Variants in CLASP2 observed in about 807,000 individuals in gnomAD.
CLASP2 encodes the protein cytoplasmic linker associated protein 2.
A neutral mutation model predicts 194.4 loss-of-function variants in CLASP2; 47 were observed. The observed-to-expected ratio is 0.24, with a 90% CI of 0.19 to 0.31. The LOEUF (loss-of-function observed/expected upper bound fraction) is 0.31, where lower values mean the gene tolerates loss of function less well. CLASP2 is among the 10% of genes least tolerant of loss of function. The probability of loss-of-function intolerance (pLI) is 1.00; values close to 1 mark genes in which losing one functional copy is unlikely to be tolerated. For synonymous variants in CLASP2, 619 were observed against 633.5 expected (o/e 0.98, Z 0.34); for missense variants, 1,445 against 1,823.6 (o/e 0.79, Z 3.78).
chr3:33,626,070 T>C (rs2077995099), intron 10 of CLASP2, among the ~76,000 whole-genome samples: 1 of 152,108 alleles, frequency 6.6e-6, no homozygotes, highest in East Asian at 1.9e-4. Flanking sequence ...CATCTCAGAA[T>C]TGAAGAATAG....
intron 29 of CLASP2, among the ~76,000 whole-genome samples, chr3:33,553,456 A>T (rs2060381767): frequency 6.6e-6 from 1 of 152,248 alleles, no homozygotes. Flanking sequence ...CATACATCTG[A>T]TAAGTGGTTA....
chr3:33,645,301 A>G (rs1218043495), intron 7 of CLASP2: 1 of 765,262 alleles, frequency 1.3e-6, no homozygotes, highest in Admixed American at 1.7e-5. Context: ...TCCGTTTGCA[A>G]ATCAGTCGCC....
At chr3:33,619,495 T>C in intron 12 of CLASP2, 108 bp downstream of exon 12, 1 of 960,220 alleles carries the variant, frequency 1.0e-6, no homozygotes, top group Non-Finnish European at 1.4e-6. Flanking sequence ...CTCCATGACT[T>C]ACATTGAGAG....
chr3:33,568,553 CAAAAAA>C (rs568821764), intron 26 of CLASP2, among the ~76,000 whole-genome samples: 2 of 56,842 alleles, frequency 3.5e-5, no homozygotes, highest in African/African-American at 1.5e-4. Flanking sequence ...GATCTTGTCT[CAAAAAA>C]AAAAAAAAAA....
At chr3:33,627,250 T>C (rs1251359730) in intron 9 of CLASP2, 170 bp from the exon 10 acceptor site, 3 of 622,476 alleles carry the variant, frequency 4.8e-6, no homozygotes, top group Non-Finnish European at 8.7e-6. Flanking sequence ...CAAAATGCTT[T>C]ATTTTTCTTC....
At chr3:33,538,526 T>G (rs1271100847) in intron 33 of CLASP2, among the ~76,000 whole-genome samples, 4 of 152,198 alleles carry the variant, frequency 2.6e-5, no homozygotes, top group African/African-American at 7.2e-5. Context: ...AGATTCACTT[T>G]CCTCTAAAGC....
Position 33,559,360 on chromosome 3 carries a change from A to G in CLASP2, c.2956T>C (p.Phe986Leu). ...TRESFPNDLQ[F>L]NILMRFTVDQ... is the part of the protein sequence containing the mutation. ...ACTGTAAATCTCATTAGAATATTGA[A>G]CTGAAGATCATTTGGAAAAGACTCT... Residue 986 changes from phenylalanine to leucine, a missense_variant, in exon 29 of 39, where the codon TTC (phenylalanine) becomes CTC (leucine). Transcript: ENST00000682230. 1 of 1,595,964 alleles carries G rather than the reference A, an allele frequency of 6.3e-7. No individual in the cohort carries two copies. The highest frequency in any genetic ancestry group is 1.3e-5 in the African/African-American group (1 of 74,842).
At chr3:33,572,282 C>A (rs982586913) in intron 25 of CLASP2, among the ~76,000 whole-genome samples, 2 of 152,028 alleles carry the variant, frequency 1.3e-5, no homozygotes, top group Non-Finnish European at 2.9e-5. Context: ...GGGCTGGGAA[C>A]AATATTATGA....
At chr3:33,629,795 GAA>G (rs112417294) in intron 9 of CLASP2, among the ~76,000 whole-genome samples, 160 of 140,138 alleles carry the variant, frequency 1.1e-3, no homozygotes, top group African/African-American at 3.6e-3. Flanking sequence ...ACTTTGCTAT[GAA>G]AAAAAAAAAA....
chr3:33,596,541 C>T, intron 19 of CLASP2, 170 bp downstream of exon 19: 2 of 659,666 alleles, frequency 3.0e-6, no homozygotes, highest in South Asian at 2.0e-5. Flanking sequence ...ATAGATATCC[C>T]TAACCCCAAA....
chr3:33,608,730 A>T, intron 13 of CLASP2, 104 bp from the exon 14 acceptor site: 5 of 434,110 alleles, frequency 1.2e-5, no homozygotes, highest in South Asian at 7.6e-5. Context: ...AGCATAAGAC[A>T]TGTTTTTAGA....
At chr3:33,577,672 C>G (rs2065185467) in intron 23 of CLASP2, among the ~76,000 whole-genome samples, 1 of 152,160 alleles carries the variant, frequency 6.6e-6, no homozygotes, top group African/African-American at 2.4e-5. Flanking sequence ...TATGGTCTAA[C>G]TGACTGACCT....
chr3:33,634,972 A>T (rs1269577920), intron 8 of CLASP2, among the ~76,000 whole-genome samples: 1 of 152,114 alleles, frequency 6.6e-6, no homozygotes, highest in Non-Finnish European at 1.5e-5. Context: ...CACTGAAATA[A>T]ATGGAGAGCC....
At chr3:33,606,912 CCAGTGGAAA>C (rs1303245317) in intron 15 of CLASP2, among the ~76,000 whole-genome samples, 154 bp from the exon 16 acceptor site, 2 of 152,170 alleles carry the variant, frequency 1.3e-5, no homozygotes, top group East Asian at 3.9e-4. Flanking sequence ...TGAACAAGTT[CCAGTGGAAA>C]GACTGAAGGC....
At chr3:33,630,308 A>C (rs1421684746) in intron 9 of CLASP2, among the ~76,000 whole-genome samples, 1 of 152,220 alleles carries the variant, frequency 6.6e-6, no homozygotes, top group Non-Finnish European at 1.5e-5. Flanking sequence ...CAGAGGGTTA[A>C]GTAATGTACC....
At chr3:33,628,987 G>C (rs1480036475) in intron 9 of CLASP2, among the ~76,000 whole-genome samples, 1 of 152,010 alleles carries the variant, frequency 6.6e-6, no homozygotes, top group Non-Finnish European at 1.5e-5. Context: ...AGTCAACAGT[G>C]CTAAATACTG....
intron 31 of CLASP2, among the ~76,000 whole-genome samples, chr3:33,543,905 G>C (rs1331544770): frequency 3.3e-5 from 5 of 152,072 alleles, no homozygotes; most frequent in Non-Finnish European, 5.9e-5. Flanking sequence ...CACCAAGGGA[G>C]TTAAATCTTG....
In CLASP2 at chr3:33,718,155, C is replaced by G; in HGVS notation, c.-153G>C. 3.0e-6 allele frequency: 2 copies of G among 668,726 alleles called. No individual in the cohort carries two copies. Among genetic ancestry groups the G allele is most frequent in the Non-Finnish European group, 4.5e-6 (2 of 447,726 alleles). 41.4% of individuals were successfully genotyped at this position (668,726 alleles called of 1,614,324 possible). On this transcript the variant is annotated 5_prime_UTR_variant, in exon 1 of 39. Transcript: ENST00000682230. The stretch of plus-strand genomic sequence containing the variant: ...GGGGCGCAGCGGGCGGCGGGAGGAA[C>G]GCCAAGCGCCCAGCCGCCCCCAAAC...
chr3:33,584,775 C>G lies in CLASP2; in HGVS notation c.2214G>C (p.Glu738Asp). 1 of 1,609,976 alleles carries G rather than the reference C, an allele frequency of 6.2e-7. No homozygotes were observed. The highest frequency in any genetic ancestry group is 8.5e-7 in the Non-Finnish European group (1 of 1,178,174). ...CCACTGAAAGCCTAGATGGACTAGC[C>G]TCTCTGCTACAGCCCTGGCTCCGTG... Reference protein sequence around the residue: ...KIPRSQGCSREASPSRLSVAR... With the variant: ...KIPRSQGCSRDASPSRLSVAR... The change falls in exon 22 of 39, where the codon GAG (glutamate) becomes GAC (aspartate). Residue 738 changes from glutamate (E) to aspartate (D), a missense_variant. Physicochemically the swap from Glu to Asp is conservative, Grantham distance 45 (BLOSUM62 2). Around this residue, in one of 4 missense-constraint regions of CLASP2, gnomAD observed 732 missense variants for 987.9 expected, o/e 0.74. Transcript: ENST00000682230.
Sources: gnomAD v4.1 joint callset for allele counts (sites outside exome capture counted in the v4.1 genomes callset) on GRCh38, gnomAD v4.1.1 for gene constraint, gnomAD v4.1.1 regional missense constraint, MANE v1.5 for transcripts, NCBI Gene and HGNC (gene_info 2026-07-23, HGNC 2026-07-21) for gene names.